EPHA8: variants seen among roughly 807,000 people sequenced by gnomAD.
EPHA8 encodes the protein ephrin type-A receptor 8.
Under a neutral mutation model 103.6 loss-of-function variants are expected in EPHA8, and 58 were observed. The ratio of observed to expected loss-of-function variants is 0.56; its 90% CI spans 0.45 to 0.70. The LOEUF (loss-of-function observed/expected upper bound fraction) is 0.70. Ranked by LOEUF, EPHA8 falls within the 30% of genes least tolerant of loss-of-function variation. The probability of loss-of-function intolerance (pLI) is 0.00; values close to 1 mark genes in which losing one functional copy is unlikely to be tolerated. For synonymous variants in EPHA8, 559 were observed against 572.5 expected (o/e 0.98, Z 0.34); for missense variants, 1,304 against 1,395.2 (o/e 0.93, Z 1.04).
rs1366712082 is a variant in EPHA8, at chr1:22,569,917, C to T, written c.159+564C>T. 2.0e-5 allele frequency among the ~76,000 whole-genome samples: 3 copies of T among 152,116 alleles called. No individual in the cohort carries two copies. On this transcript the variant is annotated intron_variant, in intron 2 of 16. Coordinates refer to ENST00000166244, the MANE Select transcript of EPHA8 (RefSeq NM_020526.5). The surrounding 1 kb of genome is among the most constrained non-coding windows in gnomAD (Gnocchi z 4.5). ...CTCTGCTTCTCTTCTCTGAATCCTG[C>T]GGGGGCAGGGCAGTAGAGTAGGAGT...
chr1:22,581,473 G>A (rs933733554), intron 3 of EPHA8, among the ~76,000 whole-genome samples: 5 of 152,230 alleles, frequency 3.3e-5, no homozygotes, highest in African/African-American at 1.2e-4. Flanking sequence ...TCAAGACCTC[G>A]CTTGGAGGTC....
intron 2 of EPHA8, among the ~76,000 whole-genome samples, chr1:22,570,651 T>C (rs1640517668): frequency 6.6e-6 from 1 of 152,252 alleles, no homozygotes; most frequent in Non-Finnish European, 1.5e-5. Flanking sequence ...TCTGGGGGTC[T>C]GGTCACCAGG....
At chr1:22,587,915 G>T in intron 4 of EPHA8, among the ~76,000 whole-genome samples, 1 of 152,132 alleles carries the variant, frequency 6.6e-6, no homozygotes, top group East Asian at 1.9e-4. Context: ...GGCAGAAAAG[G>T]TGGCCAGGTG....
At chr1:22,585,025 C>CTGTG (rs1641153200) in intron 3 of EPHA8, among the ~76,000 whole-genome samples, 1 of 101,798 alleles carries the variant, frequency 9.8e-6, no homozygotes, top group African/African-American at 6.5e-5. Flanking sequence ...ATGGTCGTTT[C>CTGTG]TCTGTGTGTG....
chr1:22,578,484 G>T (rs537628226), intron 3 of EPHA8, among the ~76,000 whole-genome samples: 1 of 133,464 alleles, frequency 7.5e-6, no homozygotes, highest in East Asian at 2.3e-4. Flanking sequence ...GTGCATGAGT[G>T]TGTGCATGTG....
In EPHA8 at chr1:22,576,864, G is replaced by A; in HGVS notation, c.807G>A (p.Arg269=). 1 of 1,594,486 alleles carries A rather than the reference G, an allele frequency of 6.3e-7. No homozygotes were observed. The highest frequency in any genetic ancestry group is 8.6e-7 in the Non-Finnish European group (1 of 1,168,244). ...KCVCSAGYEE[R]RDACVACELG... Reference sequence around the variant, plus strand: ...TGTGCAGTGCCGGCTACGAGGAGCGGCGGGATGCCTGTGTGGGTGAGCGCG... The same window carrying A: ...TGTGCAGTGCCGGCTACGAGGAGCGACGGGATGCCTGTGTGGGTGAGCGCG... Residue 269 remains arginine, a synonymous_variant, in exon 3 of 17, where the codon CGG becomes CGA. Transcript: ENST00000166244. This position sits in a 1 kb window ranked among gnomAD's most constrained non-coding sequence, Gnocchi z 4.8.
chr1:22,587,239 G>C (rs1044311297), intron 4 of EPHA8, among the ~76,000 whole-genome samples: 1 of 152,238 alleles, frequency 6.6e-6, no homozygotes, highest in African/African-American at 2.4e-5. Context: ...ATGTAAATGT[G>C]TGACGTGTAG....
intron 3 of EPHA8, among the ~76,000 whole-genome samples, chr1:22,585,492 C>T (rs1641177049): frequency 6.6e-6 from 1 of 152,228 alleles, no homozygotes; most frequent in South Asian, 2.1e-4. Flanking sequence ...ACCATTTACC[C>T]TTCCATCACC....
Position 22,601,066 on chromosome 1 carries a change from A to G in EPHA8, c.2707A>G (p.Arg903Gly). 6.2e-7 allele frequency: 1 copy of G among 1,608,282 alleles called. No individual in the cohort carries two copies. Residue 903 changes from arginine (R) to glycine (G), a missense_variant, in exon 15 of 17, where the codon AGG (arginine) becomes GGG (glycine). By Grantham distance (125) the Arg-to-Gly change is moderately radical. Transcript: ENST00000166244. Reference protein sequence around the residue: ...DALIRSPESLRATATVSRCPP... With the variant: ...DALIRSPESLGATATVSRCPP... ...GCTCATCCGCAGCCCTGAGAGTCTCAGGGCCACCGCCACAGTCAGCAGGTG... is the reference window on the plus strand; with the variant it reads ...GCTCATCCGCAGCCCTGAGAGTCTCGGGGCCACCGCCACAGTCAGCAGGTG...
At chr1:22,591,561 C>T (rs540676412) in intron 5 of EPHA8, among the ~76,000 whole-genome samples, 19 of 152,254 alleles carry the variant, frequency 1.2e-4, no homozygotes, top group African/African-American at 4.1e-4. Context: ...TACATGAGAA[C>T]AAGCTGTCCT....
chr1:22,580,833 A>T (rs536590483), intron 3 of EPHA8, among the ~76,000 whole-genome samples: 1 of 152,230 alleles, frequency 6.6e-6, no homozygotes, highest in Non-Finnish European at 1.5e-5. Context: ...TGGAGCCTGA[A>T]GACAGGTCTG....
At position 22,589,225 on chromosome 1, in the gene EPHA8, T is replaced by A. The variant is rs768339450; in HGVS notation, c.1315+19T>A. On this transcript the variant is annotated intron_variant, in intron 5 of 16. Coordinates refer to ENST00000166244, the MANE Select transcript of EPHA8 (RefSeq NM_020526.5). This position sits in a 1 kb window ranked among gnomAD's most constrained non-coding sequence, Gnocchi z 4.3. ...CAGGCAGGTAGGCGGAGAAACTCCG[T>A]CCCGCAGCGTCCTGGTCCCCCAGCT... 2 of 1,613,964 alleles carry A rather than the reference T, an allele frequency of 1.2e-6. No individual in the cohort carries two copies. The highest frequency in any genetic ancestry group is 1.7e-6 in the Non-Finnish European group (2 of 1,180,022).
intron 3 of EPHA8, among the ~76,000 whole-genome samples, chr1:22,585,948 A>G (rs651637): frequency 0.43 from 65,449 of 151,924 alleles, 15,537 homozygotes; most frequent in African/African-American, 0.65. Flanking sequence ...GTTTGGGAGC[A>G]ATGGGTCTTA....
intron 13 of EPHA8, among the ~76,000 whole-genome samples, chr1:22,599,747 G>A (rs1196866763): frequency 3.3e-5 from 2 of 60,716 alleles, no homozygotes; most frequent in African/African-American, 8.5e-5. Context: ...AGGGAGGGAG[G>A]AAGGAGGGAA....
chr1:22,600,220 GGAAAGAA>G (rs1256289096), intron 13 of EPHA8, among the ~76,000 whole-genome samples: 1 of 142,476 alleles, frequency 7.0e-6, no homozygotes, highest in African/African-American at 2.9e-5. Flanking sequence ...AAGGTGGGAG[GGAAAGAA>G]GAAAGGAGGG....
chr1:22,570,247 TGCACACACAC>T (rs1246272725), intron 2 of EPHA8, among the ~76,000 whole-genome samples: 3 of 151,906 alleles, frequency 2.0e-5, no homozygotes, highest in Admixed American at 1.3e-4. Context: ...AACACACACA[TGCACACACAC>T]GCACGCATGT....
Position 22,576,434 on chromosome 1 carries a change from A to G in EPHA8, c.377A>G (p.Tyr126Cys), listed in dbSNP as rs905212002. ...TGCAAGGAGACCTTCAACCTCTACT[A>G]CCTGGAGTCGGACCGCGACCTGGGG... is the stretch of plus-strand genomic sequence containing the variant. ...GTCKETFNLY[Y>C]LESDRDLGAS... is the part of the protein sequence containing the mutation. Residue 126 changes from tyrosine to cysteine, a missense_variant, in exon 3 of 17, where the codon TAC (tyrosine) becomes TGC (cysteine). Physicochemically the swap from Tyr to Cys is radical, Grantham distance 194 (BLOSUM62 -2). Coordinates refer to ENST00000166244, the MANE Select transcript of EPHA8 (RefSeq NM_020526.5). This position sits in a 1 kb window ranked among gnomAD's most constrained non-coding sequence, Gnocchi z 4.8. 1 of 1,613,904 alleles carries G rather than the reference A, an allele frequency of 6.2e-7. No homozygotes were observed.
chr1:22,587,921 A>C (rs1641262049), intron 4 of EPHA8, among the ~76,000 whole-genome samples: 1 of 152,148 alleles, frequency 6.6e-6, no homozygotes, highest in Non-Finnish European at 1.5e-5. Context: ...AAAGGTGGCC[A>C]GGTGACAGCG....
intron 2 of EPHA8, among the ~76,000 whole-genome samples, chr1:22,570,896 G>A (rs1188605005): frequency 6.6e-6 from 1 of 152,278 alleles, no homozygotes; most frequent in African/African-American, 2.4e-5. Context: ...CCCCGCGTGA[G>A]CGTGGTGTGG....
Sources: gnomAD v4.1 joint callset for allele counts (sites outside exome capture counted in the v4.1 genomes callset) on GRCh38, gnomAD v4.1.1 for gene constraint, Gnocchi (gnomAD v3.1) non-coding constraint, MANE v1.5 for transcripts, NCBI Gene and HGNC (gene_info 2026-07-23, HGNC 2026-07-21) for gene names.